Variants in GRID2 observed in about 807,000 individuals in gnomAD.
GRID2 encodes glutamate ionotropic receptor delta type subunit 2, also known as glutamate receptor ionotropic, delta-2.
Under a neutral mutation model 114.8 loss-of-function variants are expected in GRID2, and 33 were observed. The ratio of observed to expected loss-of-function variants is 0.29; its 90% CI spans 0.22 to 0.38. GRID2 has a LOEUF of 0.38. GRID2 is among the 10% of genes least tolerant of loss of function. The probability of loss-of-function intolerance (pLI) is 1.00; values close to 1 mark genes in which losing one functional copy is unlikely to be tolerated. For missense variants in GRID2, 1,184 were observed against 1,257.7 expected, an observed-to-expected ratio of 0.94 and a Z score of 0.89; for synonymous variants, 505 against 449.9, an observed-to-expected ratio of 1.12 and a Z score of -1.55.
At chr4:92,715,853 A>G (rs192462372) in intron 2 of GRID2, among the ~76,000 whole-genome samples, 2 of 152,304 alleles carry the variant, frequency 1.3e-5, no homozygotes, top group South Asian at 2.1e-4. Context: ...GCCTACTAAA[A>G]TATCAGTAAG....
At chr4:93,518,453 A>T (rs1364109205) in intron 13 of GRID2, among the ~76,000 whole-genome samples, 2 of 152,078 alleles carry the variant, frequency 1.3e-5, no homozygotes, top group Non-Finnish European at 2.9e-5. Context: ...AATGCAGCTG[A>T]ATTTTTTATG....
At chr4:92,779,953 T>A (rs1024127222) in intron 2 of GRID2, among the ~76,000 whole-genome samples, 1 of 152,082 alleles carries the variant, frequency 6.6e-6, no homozygotes, top group African/African-American at 2.4e-5. Flanking sequence ...TAATCTTTGG[T>A]AACTACAGCA....
intron 14 of GRID2, among the ~76,000 whole-genome samples, chr4:93,661,511 C>T (rs1362750675): frequency 4.6e-5 from 7 of 152,138 alleles, no homozygotes; most frequent in African/African-American, 1.4e-4. Context: ...AGCTCATTCG[C>T]ACTTGAATTA....
At chr4:93,337,717 A>G (rs1016873208) in intron 8 of GRID2, among the ~76,000 whole-genome samples, 1 of 152,200 alleles carries the variant, frequency 6.6e-6, no homozygotes, top group Non-Finnish European at 1.5e-5. Flanking sequence ...TGAGAGACCA[A>G]TGAAGACTAA....
intron 1 of GRID2, among the ~76,000 whole-genome samples, chr4:92,332,514 A>C (rs1726947211): frequency 6.6e-6 from 1 of 152,126 alleles, no homozygotes; most frequent in African/African-American, 2.4e-5. Context: ...ATCCTTCTCA[A>C]ATTGAAAAAT....
At chr4:92,611,089 T>C (rs1729711438) in intron 2 of GRID2, among the ~76,000 whole-genome samples, 1 of 136,896 alleles carries the variant, frequency 7.3e-6, no homozygotes, top group Admixed American at 7.4e-5. Context: ...TGTGTGTATA[T>C]ATATGTGTGT....
At chr4:93,618,585 A>G (rs1741921950) in intron 13 of GRID2, among the ~76,000 whole-genome samples, 1 of 152,222 alleles carries the variant, frequency 6.6e-6, no homozygotes, top group Non-Finnish European at 1.5e-5. Context: ...GTCTCTGTCC[A>G]TCCATTCAAC....
At chr4:93,288,306 G>A (rs1490446426) in intron 8 of GRID2, among the ~76,000 whole-genome samples, 2 of 152,138 alleles carry the variant, frequency 1.3e-5, no homozygotes, top group African/African-American at 4.8e-5. Context: ...ATAATAATGT[G>A]CAATCAAAAT....
chr4:93,655,137 A>G (rs1029967853), intron 14 of GRID2, among the ~76,000 whole-genome samples: 12 of 152,192 alleles, frequency 7.9e-5, no homozygotes, highest in Admixed American at 3.3e-4. Context: ...CTCTGCCGAT[A>G]GGGATGGCCC....
intron 2 of GRID2, among the ~76,000 whole-genome samples, chr4:92,812,305 A>G (rs1740699533): frequency 6.6e-6 from 1 of 152,106 alleles, no homozygotes; most frequent in Non-Finnish European, 1.5e-5. Flanking sequence ...GATTATAAAA[A>G]CATTCTTAAG....
chr4:93,281,540 G>C (rs1486166679), intron 8 of GRID2, among the ~76,000 whole-genome samples: 1 of 151,978 alleles, frequency 6.6e-6, no homozygotes, highest in Non-Finnish European at 1.5e-5. Context: ...ACTAGGTCTT[G>C]AACCTAAGTA....
At chr4:93,681,022 T>C (rs1273958167) in intron 14 of GRID2, among the ~76,000 whole-genome samples, 1 of 151,492 alleles carries the variant, frequency 6.6e-6, no homozygotes, top group East Asian at 1.9e-4. Context: ...ATTGTATATC[T>C]AGAAAACCCC....
intron 2 of GRID2, among the ~76,000 whole-genome samples, chr4:92,917,382 A>G (rs1748895875): frequency 6.6e-6 from 1 of 152,032 alleles, no homozygotes; most frequent in Non-Finnish European, 1.5e-5. Context: ...CCATTTGTCA[A>G]TTTTGGCTTT....
At chr4:93,125,874 T>C (rs547013772) in intron 4 of GRID2, among the ~76,000 whole-genome samples, 41 of 152,328 alleles carry the variant, frequency 2.7e-4, no homozygotes, top group African/African-American at 9.9e-4. Context: ...TGTGCACCTA[T>C]AAAGCTCTCT....
chr4:92,566,686 TA>T (rs1376316334), intron 1 of GRID2, among the ~76,000 whole-genome samples: 1 of 152,074 alleles, frequency 6.6e-6, no homozygotes, highest in Non-Finnish European at 1.5e-5. Flanking sequence ...ATAGCACAGA[TA>T]TTGTTTTATT....
chr4:92,692,536 T>A (rs573914702), intron 2 of GRID2, among the ~76,000 whole-genome samples: 5 of 152,314 alleles, frequency 3.3e-5, no homozygotes, highest in Middle Eastern at 3.4e-3. Flanking sequence ...ATATAGCTTT[T>A]TCCATGCTTT....
At chr4:92,448,063 T>C (rs926197795) in intron 1 of GRID2, among the ~76,000 whole-genome samples, 1 of 152,170 alleles carries the variant, frequency 6.6e-6, no homozygotes, top group Non-Finnish European at 1.5e-5. Context: ...TAAACTTACA[T>C]GAAATGACCA....
At chr4:92,725,293 C>G (rs994662024) in intron 2 of GRID2, among the ~76,000 whole-genome samples, 4 of 152,054 alleles carry the variant, frequency 2.6e-5, no homozygotes, top group African/African-American at 9.7e-5. Flanking sequence ...GACAGAGCAA[C>G]ACTGTCTCAG....
chr4:93,208,384 G>C (rs541031913), intron 5 of GRID2, among the ~76,000 whole-genome samples: 65 of 151,902 alleles, frequency 4.3e-4, no homozygotes, highest in Non-Finnish European at 6.0e-4. Context: ...CAATTACTTT[G>C]CATGTTCATA....
Sources: allele counts gnomAD v4.1 joint callset (sites outside exome capture counted in the v4.1 genomes callset), GRCh38; gene constraint gnomAD v4.1.1; transcripts MANE v1.5; gene names NCBI Gene and HGNC (gene_info 2026-07-23, HGNC 2026-07-21).